Variants in GRM7 observed in about 807,000 individuals in gnomAD.
The protein encoded by GRM7 is metabotropic glutamate receptor 7.
In GRM7, 35 loss-of-function variants were observed where a neutral mutation model predicts 84.5. The ratio of observed to expected loss-of-function variants is 0.41; its 90% CI spans 0.32 to 0.55. The LOEUF (loss-of-function observed/expected upper bound fraction) is 0.55. Ranked by LOEUF, GRM7 falls within the 20% of genes least tolerant of loss-of-function variation. The pLI, the probability that GRM7 is intolerant of heterozygous loss-of-function variation, is 0.19. For synonymous variants in GRM7, 487 were observed against 455.1 expected, an observed-to-expected ratio of 1.07 and a Z score of -0.89; for missense variants, 1,003 against 1,194.6, an observed-to-expected ratio of 0.84 and a Z score of 2.36.
At chr3:7,521,645 A>C (rs775492142) in intron 7 of GRM7, among the ~76,000 whole-genome samples, 3 of 152,146 alleles carry the variant, frequency 2.0e-5, no homozygotes, top group Non-Finnish European at 4.4e-5. Flanking sequence ...GGACTAAGAC[A>C]ATCATTATCC....
chr3:7,496,949 G>A (rs73017825), intron 7 of GRM7, among the ~76,000 whole-genome samples: 1,705 of 151,806 alleles, frequency 0.011, 16 homozygotes, highest in Non-Finnish European at 0.017. Flanking sequence ...TTAAAATATC[G>A]AAAAATAAAA....
intron 7 of GRM7, among the ~76,000 whole-genome samples, chr3:7,578,004 A>T (rs1695044279): frequency 6.6e-6 from 1 of 152,194 alleles, no homozygotes; most frequent in Non-Finnish European, 1.5e-5. Context: ...TTTGTTTTTT[A>T]CTTGATTTGG....
chr3:7,325,477 C>A (rs550517805), intron 4 of GRM7, among the ~76,000 whole-genome samples: 2 of 152,186 alleles, frequency 1.3e-5, no homozygotes, highest in African/African-American at 4.8e-5. Context: ...CATTCAAGTT[C>A]CCAGGTGATG....
chr3:7,603,608 CTGTATGACTTA>C (rs1696425168), intron 8 of GRM7, among the ~76,000 whole-genome samples: 1 of 152,114 alleles, frequency 6.6e-6, no homozygotes, highest in South Asian at 2.1e-4. Flanking sequence ...TTCAAATACA[CTGTATGACTTA>C]TGTACTTATT....
chr3:6,958,473 A>C (rs976016919), intron 1 of GRM7, among the ~76,000 whole-genome samples: 1 of 152,186 alleles, frequency 6.6e-6, no homozygotes, highest in Non-Finnish European at 1.5e-5. Flanking sequence ...TTGTAAATAA[A>C]GCTGTTGCAA....
intron 9 of GRM7, among the ~76,000 whole-genome samples, chr3:7,736,594 G>A (rs1345588163): frequency 1.3e-5 from 2 of 152,062 alleles, no homozygotes; most frequent in Non-Finnish European, 2.9e-5. Context: ...TATAGTTTAT[G>A]GACAACACTG....
intron 5 of GRM7, among the ~76,000 whole-genome samples, chr3:7,443,345 C>T (rs1697370795): frequency 6.6e-6 from 1 of 152,062 alleles, no homozygotes; most frequent in African/African-American, 2.4e-5. Context: ...AAAAAATGTA[C>T]AATACACACA....
intron 7 of GRM7, among the ~76,000 whole-genome samples, chr3:7,566,886 A>G (rs1478581572): frequency 1.3e-5 from 2 of 152,176 alleles, no homozygotes; most frequent in Non-Finnish European, 2.9e-5. Context: ...ACAGACCTAG[A>G]TTTACTTTTG....
intron 1 of GRM7, among the ~76,000 whole-genome samples, chr3:6,968,266 C>T (rs1693605328): frequency 1.3e-5 from 2 of 152,090 alleles, no homozygotes; most frequent in South Asian, 4.2e-4. Context: ...ATCATCTTTC[C>T]TCTGTGCCTG....
At chr3:6,956,028 A>G (rs1236690937) in intron 1 of GRM7, among the ~76,000 whole-genome samples, 1 of 152,166 alleles carries the variant, frequency 6.6e-6, no homozygotes, top group Non-Finnish European at 1.5e-5. Flanking sequence ...CCCCAAGTTA[A>G]TTTTAAAGTT....
intron 2 of GRM7, among the ~76,000 whole-genome samples, chr3:7,163,017 C>G (rs548547397): frequency 6.6e-5 from 10 of 151,908 alleles, no homozygotes; most frequent in Non-Finnish European, 1.3e-4. Flanking sequence ...ACCTTGGCCT[C>G]TCAAAGTGCT....
rs548229387 is a variant in GRM7, at chr3:7,124,271, T to G, written c.520-22181T>G. Among the ~76,000 whole-genome samples the G allele has an allele frequency of 2.1e-3, 327 of 152,336 alleles. 2 individuals carry two copies. Among genetic ancestry groups the G allele is most frequent in the African/African-American group, 7.3e-3 (304 of 41,570 alleles). On this transcript the variant is annotated intron_variant, in intron 1 of 9. Transcript: ENST00000357716. ...CATTCCAGTTTCAGGAAAGTTCAAA[T>G]GTGGAGCATAGCATGCTTAGATTTA...
intron 1 of GRM7, among the ~76,000 whole-genome samples, chr3:6,929,860 G>A (rs939393607): frequency 2.0e-5 from 3 of 152,150 alleles, no homozygotes; most frequent in Non-Finnish European, 4.4e-5. Flanking sequence ...CTGATAGAGA[G>A]TATATGCCCT....
chr3:7,075,934 T>A (rs1698061866), intron 1 of GRM7, among the ~76,000 whole-genome samples: 1 of 145,574 alleles, frequency 6.9e-6, no homozygotes, highest in South Asian at 2.1e-4. Context: ...AACTGACTTT[T>A]AATTTTTTTT....
intron 5 of GRM7, among the ~76,000 whole-genome samples, chr3:7,446,675 G>C (rs975900020): frequency 2.0e-5 from 3 of 151,960 alleles, no homozygotes; most frequent in African/African-American, 7.3e-5. Context: ...GGCCAGGCTG[G>C]TCTTGAACTC....
intron 1 of GRM7, among the ~76,000 whole-genome samples, chr3:6,900,430 T>G (rs1190141710): frequency 6.6e-6 from 1 of 152,180 alleles, no homozygotes; most frequent in Admixed American, 6.5e-5. Context: ...TTTATGCACT[T>G]AGACACCACT....
At chr3:7,651,314 T>A (rs1698928961) in intron 8 of GRM7, among the ~76,000 whole-genome samples, 1 of 152,218 alleles carries the variant, frequency 6.6e-6, no homozygotes, top group Non-Finnish European at 1.5e-5. Flanking sequence ...TCCAAATGCA[T>A]CCTGTAAGCT....
intron 1 of GRM7, among the ~76,000 whole-genome samples, chr3:6,898,859 C>T (rs917733359): frequency 3.3e-5 from 5 of 151,772 alleles, no homozygotes; most frequent in African/African-American, 7.3e-5. Context: ...AAGAAAAGAG[C>T]ACTGGAGCAC....
intron 2 of GRM7, among the ~76,000 whole-genome samples, chr3:7,173,467 G>T (rs1042490542): frequency 6.6e-5 from 10 of 151,962 alleles, no homozygotes; most frequent in African/African-American, 2.4e-4. Flanking sequence ...TTCTAAAGTT[G>T]TCCAGTGGTT....
Sources: gnomAD v4.1 joint callset for allele counts (sites outside exome capture counted in the v4.1 genomes callset) on GRCh38, gnomAD v4.1.1 for gene constraint, MANE v1.5 for transcripts, NCBI Gene and HGNC (gene_info 2026-07-23, HGNC 2026-07-21) for gene names.